The following TRIM5 variants were observed in gnomAD, a reference collection of about 807,000 sequenced individuals.
TRIM5 encodes the protein tripartite motif-containing protein 5.
TRIM5 carries 31 observed loss-of-function variants against 35.6 expected under a neutral mutation model. The ratio of observed to expected loss-of-function variants is 0.87; its 90% CI spans 0.65 to 1.18. The LOEUF is 1.18. TRIM5 is among the 50% of genes most tolerant of loss of function. The pLI is 0.00. For missense variants in TRIM5, 609 were observed against 591.6 expected (o/e 1.03, Z -0.31); for synonymous variants, 243 against 215.6 (o/e 1.13, Z -1.11).
intron 4 of TRIM5, chr11:5,669,790 G>A (rs1851436767): frequency 6.4e-6 from 1 of 156,354 alleles, no homozygotes; most frequent in Non-Finnish European, 1.4e-5. Context: ...TTGAGGTCAG[G>A]AGTTCAAGAC....
the TRIM5 span, among the ~76,000 whole-genome samples, chr11:5,614,527 A>G: frequency 6.6e-6 from 1 of 152,354 alleles, no homozygotes; most frequent in Non-Finnish European, 1.5e-5. Context: ...CAAGGAAAAG[A>G]AAACTCAGAT....
the TRIM5 span, among the ~76,000 whole-genome samples, chr11:5,637,156 G>C: frequency 2.2e-5 from 2 of 90,134 alleles, no homozygotes; most frequent in African/African-American, 3.9e-5. Flanking sequence ...CTGGGCGACA[G>C]AGCGAGACTC....
the TRIM5 span, chr11:5,603,220 C>G: frequency 7.5e-6 from 12 of 1,600,938 alleles, no homozygotes; most frequent in African/African-American, 8.1e-5. Flanking sequence ...TACCCTGATC[C>G]TTTTTTTGTT....
chr11:5,594,898 G>C, the TRIM5 span, among the ~76,000 whole-genome samples: 1 of 152,142 alleles, frequency 6.6e-6, no homozygotes, highest in African/African-American at 2.4e-5. Flanking sequence ...AGCAGGCTTT[G>C]ACCTGAAGCG....
At chr11:5,643,129 T>A in the TRIM5 span, 147 of 696,414 alleles carry the variant, frequency 2.1e-4, 1 homozygote, top group East Asian at 6.6e-4. Context: ...ATATATATTT[T>A]TTTTTTTCTT....
At chr11:5,618,050 A>T in the TRIM5 span, among the ~76,000 whole-genome samples, 1 of 152,182 alleles carries the variant, frequency 6.6e-6, no homozygotes, top group Non-Finnish European at 1.5e-5. Context: ...AATGTACTTT[A>T]TTGGAATATC....
chr11:5,619,084 A>G, the TRIM5 span, among the ~76,000 whole-genome samples: 1 of 152,202 alleles, frequency 6.6e-6, no homozygotes. Flanking sequence ...CTCCCTGGGA[A>G]AAACGACCAG....
the TRIM5 span, chr11:5,632,316 C>A: frequency 6.2e-7 from 1 of 1,613,944 alleles, no homozygotes; most frequent in Non-Finnish European, 8.5e-7. Context: ...CCAGAAGAAG[C>A]CAGGGAAGCA....
At chr11:5,642,322 T>G in the TRIM5 span, 1 of 1,232,298 alleles carries the variant, frequency 8.1e-7, no homozygotes, top group Non-Finnish European at 1.2e-6. Flanking sequence ...GCATCAGTGA[T>G]GTGAAGGAGA....
At chr11:5,661,528 G>C (rs1389785642), downstream of TRIM5, among the ~76,000 whole-genome samples, 2 of 151,908 alleles carry the variant, frequency 1.3e-5, no homozygotes, top group Non-Finnish European at 2.9e-5. Flanking sequence ...TTTTCTCTGT[G>C]CTTCTCCCCA....
At chr11:5,617,377 C>T in the TRIM5 span, among the ~76,000 whole-genome samples, 1 of 144,712 alleles carries the variant, frequency 6.9e-6, no homozygotes, top group Non-Finnish European at 1.5e-5. Context: ...GAATCACACA[C>T]ATTTCCACCT....
intron 1 of TRIM5, among the ~76,000 whole-genome samples, chr11:5,680,589 G>A (rs7124435): frequency 0.92 from 140,096 of 152,274 alleles, 64,814 homozygotes; most frequent in Non-Finnish European, 0.97. Flanking sequence ...CACATCCTCA[G>A]TATTAAAATC....
At chr11:5,667,239 C>T (rs1422590862) in intron 5 of TRIM5, among the ~76,000 whole-genome samples, 1 of 152,096 alleles carries the variant, frequency 6.6e-6, no homozygotes, top group East Asian at 1.9e-4. Flanking sequence ...CAGAGTCTCA[C>T]TTTGTCGCCC....
intron 2 of TRIM5, 141 bp from the exon 3 acceptor site, chr11:5,679,310 T>G: frequency 1.3e-6 from 1 of 750,458 alleles, no homozygotes; most frequent in Non-Finnish European, 2.2e-6. Flanking sequence ...AATCCATGAC[T>G]TGGAAGAAAA....
At chr11:5,650,941 G>C in the TRIM5 span, among the ~76,000 whole-genome samples, 1 of 152,170 alleles carries the variant, frequency 6.6e-6, no homozygotes, top group East Asian at 1.9e-4. Flanking sequence ...CATTGTATTG[G>C]CTTGATCATA....
chr11:5,667,634 G>C (rs1307773666), intron 5 of TRIM5, 55 bp downstream of exon 5: 1 of 1,575,332 alleles, frequency 6.3e-7, no homozygotes, highest in African/African-American at 1.4e-5. Context: ...AATTCTAATG[G>C]CTATAAATCT....
At chr11:5,655,139 G>A in the TRIM5 span, among the ~76,000 whole-genome samples, 2 of 151,090 alleles carry the variant, frequency 1.3e-5, no homozygotes, top group South Asian at 4.2e-4. Flanking sequence ...GTTGCAGTGA[G>A]CAGAGATCAC....
downstream of TRIM5, chr11:5,663,100 G>T: frequency 4.4e-6 from 2 of 452,184 alleles, no homozygotes; most frequent in Non-Finnish European, 5.8e-6. Flanking sequence ...ACTCCAGCTT[G>T]GGTGACAGAG....
At chr11:5,655,121 A>G in the TRIM5 span, among the ~76,000 whole-genome samples, 1 of 150,562 alleles carries the variant, frequency 6.6e-6, no homozygotes, top group East Asian at 2.0e-4. Flanking sequence ...TGAACCTGGG[A>G]GGTGGAGGTT....
Sources: allele counts gnomAD v4.1 joint callset (sites outside exome capture counted in the v4.1 genomes callset), GRCh38; gene constraint gnomAD v4.1.1; transcripts MANE v1.5; gene names NCBI Gene and HGNC (gene_info 2026-07-23, HGNC 2026-07-21).